Variants in MCF2L2 observed in about 807,000 individuals in gnomAD.
The protein encoded by MCF2L2 is MCF.2 cell line derived transforming sequence-like 2.
A neutral mutation model predicts 150.2 loss-of-function variants in MCF2L2; 102 were observed. The observed-to-expected ratio is 0.68, with a 90% CI of 0.58 to 0.80. The LOEUF is 0.80. MCF2L2 is among the 30% of genes least tolerant of loss of function. The probability of loss-of-function intolerance (pLI) is 0.00; values close to 1 mark genes in which losing one functional copy is unlikely to be tolerated. For synonymous variants in MCF2L2, 465 were observed against 491.3 expected, an observed-to-expected ratio of 0.95 and a Z score of 0.71; for missense variants, 1,256 against 1,372.8, an observed-to-expected ratio of 0.91 and a Z score of 1.34.
At chr3:183,182,778 T>C (rs1396944256) in intron 27 of MCF2L2, 2 of 152,106 alleles carry the variant, frequency 1.3e-5, no homozygotes, top group East Asian at 3.9e-4. Flanking sequence ...CAGAAAACCT[T>C]AGAGAGCATC....
chr3:183,289,673 T>C (rs527577458), intron 13 of MCF2L2, among the ~76,000 whole-genome samples: 8 of 152,214 alleles, frequency 5.3e-5, no homozygotes, highest in Admixed American at 6.5e-5. Flanking sequence ...CCGGCCAACA[T>C]GGTGAAATCC....
Position 183,295,369 on chromosome 3 carries a change from GTTGCACT to G in MCF2L2, c.1599_1605del (p.Val534LeufsTer26). 1 of 1,613,926 alleles carries G rather than the reference GTTGCACT, an allele frequency of 6.2e-7. No individual in the cohort carries two copies. ...GAAGACTCAGGATGTGGGGCCACAGGTTGCACTGGACGAGTCTGTTTGGCTGCCAGTT... is the reference window on the plus strand; with the variant it reads ...GAAGACTCAGGATGTGGGGCCACAGGGGACGAGTCTGTTTGGCTGCCAGTT... On this transcript the variant is annotated frameshift_variant, in exon 13 of 30. Coordinates refer to ENST00000328913, the MANE Select transcript of MCF2L2 (RefSeq NM_015078.4). LOFTEE classifies it high-confidence loss of function.
chr3:183,377,249 G>A (rs529693897), intron 3 of MCF2L2: 2 of 152,152 alleles, frequency 1.3e-5, no homozygotes, highest in African/African-American at 2.4e-5. Context: ...GTGTCCATGT[G>A]TTCTCATTGT....
chr3:183,229,572 A>G (rs1360471967), intron 17 of MCF2L2, 94 bp downstream of exon 17: 2 of 638,714 alleles, frequency 3.1e-6, no homozygotes, highest in East Asian at 5.7e-5. Flanking sequence ...TAAACCTGAA[A>G]ACATCTAAGT....
chr3:183,227,880 C>T lies in MCF2L2; in HGVS notation c.2115+417G>A, dbSNP rs542436836. ...ATTCCATGATAGTCGCCATGCTGTGCGTTACATCTCCAGGACTTACTCATC... is the reference window on the plus strand; with the variant it reads ...ATTCCATGATAGTCGCCATGCTGTGTGTTACATCTCCAGGACTTACTCATC... On this transcript the variant is annotated intron_variant, in intron 18 of 29. Coordinates refer to ENST00000328913, the MANE Select transcript of MCF2L2 (RefSeq NM_015078.4). The surrounding 1 kb of genome is among the most constrained non-coding windows in gnomAD (Gnocchi z 4.0). 26 of 162,896 alleles carry T rather than the reference C, an allele frequency of 1.6e-4. No homozygotes were observed. The highest frequency in any genetic ancestry group is 3.5e-4 in the South Asian group (2 of 5,760). The allele number at this position is 162,896 out of a possible 1,614,324, so 10.1% of individuals were successfully genotyped here.
chr3:183,201,159 G>A (rs1722266613), intron 25 of MCF2L2, among the ~76,000 whole-genome samples: 1 of 152,148 alleles, frequency 6.6e-6, no homozygotes, highest in Admixed American at 6.5e-5. Context: ...CCAATTCTGT[G>A]AAGAAAGTCA....
At chr3:183,219,720 G>A in intron 21 of MCF2L2, 136 bp downstream of exon 21, 2 of 513,930 alleles carry the variant, frequency 3.9e-6, no homozygotes, top group Non-Finnish European at 6.8e-6. Context: ...TCTTGACTGT[G>A]AGTTATAGGA....
chr3:183,427,959 CTTT>C lies in MCF2L2; in HGVS notation c.16_18del (p.Lys6del), dbSNP rs372591631. Reference sequence around the variant, plus strand: ...GTGAGCTCCTGGGGAGGCATCTCTTCTTTTAAGCAAGACAGCATTTCACTGAAA... The same window carrying C: ...GTGAGCTCCTGGGGAGGCATCTCTTCTAAGCAAGACAGCATTTCACTGAAA... On this transcript the variant is annotated inframe_deletion, in exon 1 of 30. Coordinates refer to ENST00000328913, the MANE Select transcript of MCF2L2 (RefSeq NM_015078.4). The C allele has an allele frequency of 2.1e-4, 337 of 1,613,784 alleles. 4 individuals are homozygous for C. In the South Asian group the frequency reaches 3.3e-3, roughly 16 times the overall value.
At position 183,294,633 on chromosome 3, in the gene MCF2L2, A is replaced by ATTTT. The variant is rs754395602; in HGVS notation, c.1675+663_1675+666dup. 6.2e-4 allele frequency among the ~76,000 whole-genome samples: 80 copies of ATTTT among 129,856 alleles called. 1 individual carries two copies. Among genetic ancestry groups the ATTTT allele is most frequent in the East Asian group, 4.1e-3 (19 of 4,644 alleles). The allele number at this position is 129,856 out of a possible 152,430, so 85.2% of individuals were successfully genotyped here. A position where few individuals can be genotyped will look rare whatever the true frequency, so the allele number is the denominator to read the frequency against. On this transcript the variant is annotated intron_variant, in intron 13 of 29. Coordinates refer to ENST00000328913, the MANE Select transcript of MCF2L2 (RefSeq NM_015078.4). Reference sequence around the variant, plus strand: ...TGTGTGTGTATATATATATATATATATTTTTTTTTTTTTGAGACGGAGTCT... The same window carrying ATTTT: ...TGTGTGTGTATATATATATATATATATTTTTTTTTTTTTTTTTGAGACGGAGTCT...
At chr3:183,289,013 C>T in intron 14 of MCF2L2, 107 bp downstream of exon 14, 4 of 749,212 alleles carry the variant, frequency 5.3e-6, no homozygotes, top group Non-Finnish European at 9.2e-6. Context: ...GTGCTATGTG[C>T]CTTAGGTACA....
intron 3 of MCF2L2, among the ~76,000 whole-genome samples, chr3:183,366,629 G>C (rs1393228194): frequency 6.6e-6 from 1 of 151,990 alleles, no homozygotes; most frequent in African/African-American, 2.4e-5. Flanking sequence ...CTGGGCAACA[G>C]AGCAAGACTC....
chr3:183,356,455 GTGAGTCGAGAT>G (rs1318880552), intron 3 of MCF2L2, among the ~76,000 whole-genome samples: 1 of 152,150 alleles, frequency 6.6e-6, no homozygotes, highest in Non-Finnish European at 1.5e-5. Context: ...AGAGGTTGCA[GTGAGTCGAGAT>G]TGCGCCACTG....
chr3:183,402,470 A>G (rs796163672), intron 1 of MCF2L2, among the ~76,000 whole-genome samples: 2,832 of 146,314 alleles, frequency 0.019, 117 homozygotes, highest in African/African-American at 0.07. Context: ...AAAAAAAAAA[A>G]AAAGAATATA....
chr3:183,353,666 C>T (rs546874398), intron 3 of MCF2L2, among the ~76,000 whole-genome samples: 1 of 152,160 alleles, frequency 6.6e-6, no homozygotes, highest in Admixed American at 6.5e-5. Context: ...ATCACAAGAA[C>T]AGCACCAAAG....
At chr3:183,201,551 A>G (rs1722283822) in intron 25 of MCF2L2, among the ~76,000 whole-genome samples, 1 of 152,214 alleles carries the variant, frequency 6.6e-6, no homozygotes, top group South Asian at 2.1e-4. Flanking sequence ...TTTTCTAAAT[A>G]TACAATCATG....
intron 18 of MCF2L2, chr3:183,226,959 A>C (rs1723366698): frequency 6.6e-6 from 1 of 152,236 alleles, no homozygotes; most frequent in South Asian, 2.1e-4. Flanking sequence ...TGGGGCCACC[A>C]AAAGGCTCTG....
At position 183,364,443 on chromosome 3, in the gene MCF2L2, C is replaced by T. The variant is rs1291100961; in HGVS notation, c.275+14854G>A. On this transcript the variant is annotated intron_variant, in intron 3 of 29. Coordinates refer to ENST00000328913, the MANE Select transcript of MCF2L2 (RefSeq NM_015078.4). ...GCTGAGGCAGGAGAATGGCGTGAACCCAGGGGGCGGAGCTTGCAGTGAGCC... is the reference window on the plus strand; with the variant it reads ...GCTGAGGCAGGAGAATGGCGTGAACTCAGGGGGCGGAGCTTGCAGTGAGCC... Among the ~76,000 whole-genome samples, 16 of 152,008 alleles carry T rather than the reference C, an allele frequency of 1.1e-4. 1 individual carries two copies.
intron 15 of MCF2L2, among the ~76,000 whole-genome samples, chr3:183,259,432 A>G (rs1466284998): frequency 1.3e-5 from 2 of 152,154 alleles, no homozygotes; most frequent in Non-Finnish European, 2.9e-5. Flanking sequence ...TTTTTTATTC[A>G]TCTACCTTAT....
chr3:183,180,598 C>A (rs980827377), intron 27 of MCF2L2, among the ~76,000 whole-genome samples: 4 of 152,178 alleles, frequency 2.6e-5, no homozygotes, highest in African/African-American at 4.8e-5. Context: ...AAGGGAAAAT[C>A]AGAGGAACAA....
Sources: allele counts gnomAD v4.1 joint callset (sites outside exome capture counted in the v4.1 genomes callset), GRCh38; gene constraint gnomAD v4.1.1; non-coding constraint Gnocchi (gnomAD v3.1); transcripts MANE v1.5; gene names NCBI Gene and HGNC (gene_info 2026-07-23, HGNC 2026-07-21).